Variants in SPOCK3 observed in about 807,000 individuals in gnomAD.
SPOCK3 encodes testican-3.
SPOCK3 carries 30 observed loss-of-function variants against 56.6 expected under a neutral mutation model. The ratio of observed to expected loss-of-function variants is 0.53; its 90% CI spans 0.40 to 0.72. SPOCK3 has a LOEUF of 0.72. Among genes scored for constraint, SPOCK3 ranks in the 30% least tolerant of loss-of-function variants. The pLI is 0.00. For synonymous variants in SPOCK3, 196 were observed against 183.3 expected (o/e 1.07, Z -0.56); for missense variants, 527 against 530.0 (o/e 0.99, Z 0.06).
At chr4:166,802,384 C>T (rs186236963) in intron 6 of SPOCK3, among the ~76,000 whole-genome samples, 108 of 152,190 alleles carry the variant, frequency 7.1e-4, no homozygotes, top group Non-Finnish European at 1.2e-3. Flanking sequence ...TAATAACAGC[C>T]GTTTTGGCTG....
At chr4:166,987,702 C>T (rs533344978) in intron 4 of SPOCK3, among the ~76,000 whole-genome samples, 26 of 152,272 alleles carry the variant, frequency 1.7e-4, no homozygotes, top group Non-Finnish European at 2.9e-4. Context: ...AAAGTAGTTT[C>T]ACTGCTTTAG....
intron 3 of SPOCK3, among the ~76,000 whole-genome samples, chr4:167,046,678 G>A (rs763735116): frequency 9.9e-5 from 15 of 151,402 alleles, no homozygotes; most frequent in Non-Finnish European, 2.2e-4. Context: ...GGGTGGTCTC[G>A]AACTCCTACC....
intron 3 of SPOCK3, among the ~76,000 whole-genome samples, chr4:167,028,054 G>C (rs1316812392): frequency 1.3e-5 from 2 of 151,682 alleles, no homozygotes; most frequent in African/African-American, 4.8e-5. Context: ...TTTTCTCTTT[G>C]ATATCTTCTG....
chr4:166,821,872 C>T (rs574408908), intron 6 of SPOCK3, among the ~76,000 whole-genome samples: 3 of 151,876 alleles, frequency 2.0e-5, no homozygotes, highest in East Asian at 1.9e-4. Context: ...ATATGTGAAA[C>T]GAGTGAACTT....
intron 2 of SPOCK3, among the ~76,000 whole-genome samples, chr4:167,177,183 T>G (rs1731058308): frequency 6.6e-6 from 1 of 151,958 alleles, no homozygotes; most frequent in Admixed American, 6.6e-5. Flanking sequence ...GTGGCCTGAG[T>G]AACCTGAGAG....
chr4:167,149,426 A>G (rs959673428), intron 2 of SPOCK3, among the ~76,000 whole-genome samples: 48 of 152,050 alleles, frequency 3.2e-4, no homozygotes, highest in African/African-American at 1.2e-3. Context: ...ATTCCTGTGA[A>G]GTCTTCATGA....
intron 2 of SPOCK3, among the ~76,000 whole-genome samples, chr4:167,213,086 T>G (rs1464317610): frequency 6.6e-6 from 1 of 152,224 alleles, no homozygotes; most frequent in Non-Finnish European, 1.5e-5. Flanking sequence ...ATACTGCCAC[T>G]GGCAGCATGT....
chr4:166,839,259 G>T (rs1746971662), intron 6 of SPOCK3, among the ~76,000 whole-genome samples: 1 of 152,156 alleles, frequency 6.6e-6, no homozygotes, highest in East Asian at 1.9e-4. Context: ...ACCCTGAGGA[G>T]TTGTGCCTCC....
intron 3 of SPOCK3, among the ~76,000 whole-genome samples, chr4:167,020,294 C>A (rs1400092279): frequency 6.6e-6 from 1 of 151,994 alleles, no homozygotes; most frequent in Non-Finnish European, 1.5e-5. Flanking sequence ...AGATGAAGTG[C>A]CTATTTGGCC....
At chr4:167,159,199 G>A (rs1765069262) in intron 2 of SPOCK3, among the ~76,000 whole-genome samples, 1 of 151,832 alleles carries the variant, frequency 6.6e-6, no homozygotes, top group African/African-American at 2.4e-5. Flanking sequence ...ACTACTATAA[G>A]TATTAAAAGA....
At chr4:166,948,437 C>T (rs1579756633) in intron 4 of SPOCK3, among the ~76,000 whole-genome samples, 1 of 152,132 alleles carries the variant, frequency 6.6e-6, no homozygotes, top group Admixed American at 6.6e-5. Flanking sequence ...GGAATCTCCA[C>T]ACTATTTTTC....
intron 6 of SPOCK3, among the ~76,000 whole-genome samples, chr4:166,795,916 G>A (rs762441437): frequency 6.6e-6 from 1 of 152,242 alleles, no homozygotes; most frequent in East Asian, 1.9e-4. Flanking sequence ...CTAATCCACA[G>A]TCTTATGGTA....
intron 3 of SPOCK3, among the ~76,000 whole-genome samples, chr4:167,030,015 G>A (rs899789783): frequency 2.0e-5 from 3 of 151,298 alleles, no homozygotes; most frequent in Non-Finnish European, 2.9e-5. Flanking sequence ...GTATTTTCTC[G>A]CTCTTCTATT....
intron 2 of SPOCK3, among the ~76,000 whole-genome samples, chr4:167,209,750 G>A (rs1293366611): frequency 6.6e-6 from 1 of 152,060 alleles, no homozygotes; most frequent in Non-Finnish European, 1.5e-5. Context: ...GGGACACTCA[G>A]ACAACTGGGG....
chr4:166,750,279 T>C (rs1045555965), intron 8 of SPOCK3, among the ~76,000 whole-genome samples: 1 of 152,108 alleles, frequency 6.6e-6, no homozygotes, highest in Non-Finnish European at 1.5e-5. Flanking sequence ...CTGATCTAGA[T>C]AAAAGAATAG....
intron 2 of SPOCK3, among the ~76,000 whole-genome samples, chr4:167,198,727 A>G (rs1733211749): frequency 6.6e-6 from 1 of 152,104 alleles, no homozygotes; most frequent in Non-Finnish European, 1.5e-5. Context: ...AGTTTCTGAG[A>G]ACGATAGTTC....
chr4:166,840,261 A>T (rs1466427792), intron 6 of SPOCK3, among the ~76,000 whole-genome samples: 1 of 152,164 alleles, frequency 6.6e-6, no homozygotes, highest in Non-Finnish European at 1.5e-5. Flanking sequence ...GCATTTTTTC[A>T]TAGTACTTTG....
chr4:166,814,121 T>C (rs886983880), intron 6 of SPOCK3, among the ~76,000 whole-genome samples: 5 of 152,008 alleles, frequency 3.3e-5, no homozygotes, highest in Non-Finnish European at 5.9e-5. Flanking sequence ...CACTAGAGAG[T>C]CCTTCTTCAC....
At chr4:166,913,255 T>C (rs769256383) in intron 4 of SPOCK3, among the ~76,000 whole-genome samples, 2 of 152,206 alleles carry the variant, frequency 1.3e-5, no homozygotes, top group African/African-American at 4.8e-5. Flanking sequence ...GGTTTAGTGA[T>C]AACAAATCTC....
Sources: allele counts gnomAD v4.1 joint callset (sites outside exome capture counted in the v4.1 genomes callset), GRCh38; gene constraint gnomAD v4.1.1; transcripts MANE v1.5; gene names NCBI Gene and HGNC (gene_info 2026-07-23, HGNC 2026-07-21).